AMOT: variants seen among roughly 807,000 people sequenced by gnomAD.
AMOT encodes angiomotin.
AMOT carries 11 observed loss-of-function variants against 67.0 expected under a neutral mutation model. The observed-to-expected ratio is 0.16, with a 90% CI of 0.10 to 0.27. AMOT has a LOEUF of 0.27. Ranked by LOEUF, AMOT falls within the 10% of genes least tolerant of loss-of-function variation. The probability of loss-of-function intolerance (pLI) is 1.00; values close to 1 mark genes in which losing one functional copy is unlikely to be tolerated. For synonymous variants in AMOT, 326 were observed against 321.4 expected, an observed-to-expected ratio of 1.01 and a Z score of -0.15; for missense variants, 753 against 852.0, an observed-to-expected ratio of 0.88 and a Z score of 1.45.
At chrX:112,807,239 C>T (rs902434466) in intron 7 of AMOT, among the ~76,000 whole-genome samples, 1 of 110,338 alleles carries the variant, frequency 9.1e-6, no homozygotes, top group African/African-American at 3.3e-5. Context: ...TTGTGAAGTT[C>T]AGTCCAGAGG....
chrX:112,834,003 C>A (rs1025836156), intron 1 of AMOT, among the ~76,000 whole-genome samples: 36 of 112,329 alleles, frequency 3.2e-4, no homozygotes, highest in Non-Finnish European at 6.4e-4. Flanking sequence ...CTTTAACAAT[C>A]TTCATCAAAG....
intron 10 of AMOT, 55 bp from the exon 11 acceptor site, chrX:112,782,717 T>C (rs1188076224): frequency 8.7e-7 from 1 of 1,155,329 alleles, no homozygotes; most frequent in Non-Finnish European, 1.2e-6. Flanking sequence ...CAATGAATGT[T>C]ATCTTTCTTC....
chrX:112,781,936 T>C (rs752875981), intron 11 of AMOT, among the ~76,000 whole-genome samples: 1 of 112,021 alleles, frequency 8.9e-6, no homozygotes, highest in Admixed American at 9.4e-5. Context: ...TCGCTCAGGC[T>C]GGAGTGCAAT....
intron 3 of AMOT, among the ~76,000 whole-genome samples, chrX:112,823,704 A>G (rs1309127574): frequency 8.9e-6 from 1 of 112,343 alleles, no homozygotes; most frequent in Non-Finnish European, 1.9e-5. Context: ...CTTGCACCAG[A>G]CAGTAATGAT....
chrX:112,809,940 C>T lies in AMOT; in HGVS notation c.1584G>A (p.Glu528=), dbSNP rs1238969598. ...TGGTTTTTCTGGTGTCCTCTGACCC[C>T]TCATATTCCTTCTCTGCAAGCTGCT... ...ANKQLAEKEY[E]GSEDTRKTIS... Residue 528 remains glutamate, a synonymous_variant, in exon 7 of 14, where the codon GAG becomes GAA. Coordinates refer to ENST00000371959, the MANE Select transcript of AMOT (RefSeq NM_001113490.2). 1 of 1,211,439 alleles carries T rather than the reference C, an allele frequency of 8.3e-7. No homozygotes were observed. Among genetic ancestry groups the T allele is most frequent in the Non-Finnish European group, 1.1e-6 (1 of 895,382 alleles).
intron 10 of AMOT, among the ~76,000 whole-genome samples, chrX:112,787,575 T>C (rs955987985): frequency 6.2e-5 from 7 of 112,003 alleles, no homozygotes; most frequent in African/African-American, 9.7e-5. Flanking sequence ...TCTGTGTTAA[T>C]TGTGGTGGTG....
chrX:112,808,576 T>G (rs1334646621), intron 7 of AMOT, among the ~76,000 whole-genome samples: 5 of 112,050 alleles, frequency 4.5e-5, no homozygotes, highest in Non-Finnish European at 9.4e-5. Flanking sequence ...CATTTGACAG[T>G]CTTTTGCCCT....
At chrX:112,831,468 TAAATAAA>T (rs1263014515) in intron 2 of AMOT, among the ~76,000 whole-genome samples, 3 of 105,749 alleles carry the variant, frequency 2.8e-5, no homozygotes, top group African/African-American at 1.0e-4. Flanking sequence ...AATAAATAAA[TAAATAAA>T]TAAATAAATA....
At chrX:112,828,633 G>C (rs1253141691) in intron 2 of AMOT, among the ~76,000 whole-genome samples, 1 of 110,320 alleles carries the variant, frequency 9.1e-6, no homozygotes, top group Non-Finnish European at 1.9e-5. Flanking sequence ...TTGAAAGCCA[G>C]AACTGGAAAG....
At chrX:112,833,294 A>G (rs1935043053) in intron 1 of AMOT, among the ~76,000 whole-genome samples, 1 of 111,258 alleles carries the variant, frequency 9.0e-6, no homozygotes, top group African/African-American at 3.3e-5. Flanking sequence ...GGTGGAGTAC[A>G]GTAAAAAGAA....
chrX:112,832,087 A>G lies in AMOT; in HGVS notation c.-212+207T>C, dbSNP rs144198321. Among the ~76,000 whole-genome samples, 864 of 111,155 alleles carry G rather than the reference A, an allele frequency of 7.8e-3. 6 individuals are homozygous for G. The highest frequency in any genetic ancestry group is 0.027 in the African/African-American group (809 of 30,505). On this transcript the variant is annotated intron_variant, in intron 2 of 13. Coordinates refer to ENST00000371959, the MANE Select transcript of AMOT (RefSeq NM_001113490.2). ...CAGAAATGGAAAGGGAAGTTGCTAG[A>G]CTGTAAGATCTTAGAGGGCATGGGC...
intron 2 of AMOT, among the ~76,000 whole-genome samples, chrX:112,827,126 G>A (rs587424): frequency 0.015 from 1,693 of 112,582 alleles, 26 homozygotes; most frequent in African/African-American, 0.052. Context: ...CAAGGTGTTG[G>A]GATTACAGGC....
chrX:112,787,003 G>C (rs753937526), intron 10 of AMOT, among the ~76,000 whole-genome samples: 1 of 111,629 alleles, frequency 9.0e-6, no homozygotes, highest in African/African-American at 3.3e-5. Context: ...TGATGTTTAA[G>C]ATGCATCTCA....
intron 10 of AMOT, among the ~76,000 whole-genome samples, chrX:112,784,271 C>G (rs1461879714): frequency 8.9e-6 from 1 of 112,186 alleles, no homozygotes; most frequent in Admixed American, 9.4e-5. Flanking sequence ...CTCAGCAGGT[C>G]CCAGCTTCTC....
chrX:112,776,070 G>C lies in AMOT; in HGVS notation c.*2497C>G, dbSNP rs1165183465. 3.6e-5 allele frequency: 4 copies of C among 112,134 alleles called. No homozygotes were observed. Among genetic ancestry groups the C allele is most frequent in the Non-Finnish European group, 7.5e-5 (4 of 53,256 alleles). The allele number at this position is 112,134 out of a possible 1,213,427, so 9.2% of individuals were successfully genotyped here. On this transcript the variant is annotated 3_prime_UTR_variant, in exon 14 of 14. Transcript: ENST00000371959. The stretch of plus-strand genomic sequence containing the variant: ...ACAATGTTATTTTAGCAAATTATCG[G>C]GGATTGGAAACTGAACAGAGAAGAA...
At chrX:112,804,849 A>C in intron 8 of AMOT, 98 bp downstream of exon 8, 2 of 1,116,246 alleles carry the variant, frequency 1.8e-6, no homozygotes, top group Non-Finnish European at 2.4e-6. Flanking sequence ...CCTTCTGGGG[A>C]TTATGCAGCT....
chrX:112,792,026 G>A, intron 8 of AMOT, 45 bp from the exon 9 acceptor site: 1 of 1,192,137 alleles, frequency 8.4e-7, no homozygotes, highest in Non-Finnish European at 1.1e-6. Context: ...AGGAAAAACA[G>A]CAAGCAACAG....
At chrX:112,781,824 G>T (rs1007096031) in intron 11 of AMOT, among the ~76,000 whole-genome samples, 5 of 111,957 alleles carry the variant, frequency 4.5e-5, no homozygotes, top group African/African-American at 1.6e-4. Context: ...CCTGCAGGTA[G>T]TAAGTAAATG....
At chrX:112,809,859 A>T (rs1355505038) in intron 7 of AMOT, 35 bp downstream of exon 7, 1 of 1,155,481 alleles carries the variant, frequency 8.7e-7, no homozygotes, top group African/African-American at 1.8e-5. Flanking sequence ...TCCCATCCAC[A>T]CGTTAATACC....
Sources: gnomAD v4.1 joint callset for allele counts (sites outside exome capture counted in the v4.1 genomes callset) on GRCh38, gnomAD v4.1.1 for gene constraint, MANE v1.5 for transcripts, NCBI Gene and HGNC (gene_info 2026-07-23, HGNC 2026-07-21) for gene names.